Variants in DERL1 observed in about 807,000 individuals in gnomAD.
DERL1 encodes the protein derlin-1.
DERL1 carries 24 observed loss-of-function variants against 41.6 expected under a neutral mutation model. The observed-to-expected ratio is 0.58, with a 90% CI of 0.42 to 0.81. DERL1 has a LOEUF of 0.81. Among genes scored for constraint, DERL1 ranks in the 30% least tolerant of loss-of-function variants. The pLI, the probability that DERL1 is intolerant of heterozygous loss-of-function variation, is 0.00. For missense variants in DERL1, 260 were observed against 314.3 expected, an observed-to-expected ratio of 0.83 and a Z score of 1.31; for synonymous variants, 124 against 112.5, an observed-to-expected ratio of 1.10 and a Z score of -0.65.
intron 4 of DERL1, among the ~76,000 whole-genome samples, chr8:123,023,254 T>G (rs1006171884): frequency 6.6e-6 from 1 of 152,104 alleles, no homozygotes; most frequent in Non-Finnish European, 1.5e-5. Flanking sequence ...TGACTTAAGA[T>G]CCTCAAAATA....
chr8:123,042,152 A>G lies in DERL1; in HGVS notation c.-30T>C. 2 of 1,571,190 alleles carry G rather than the reference A, an allele frequency of 1.3e-6. No individual in the cohort carries two copies. The highest frequency in any genetic ancestry group is 1.7e-6 in the Non-Finnish European group (2 of 1,153,636). On this transcript the variant is annotated 5_prime_UTR_variant, in exon 1 of 8. Coordinates refer to ENST00000259512, the MANE Select transcript of DERL1 (RefSeq NM_024295.6). ...GACCCACAGGTAGCCAAGATGCACA[A>G]GACCGCCCGACTCCCCGTGCCGACC...
intron 2 of DERL1, 100 bp from the exon 3 acceptor site, chr8:123,025,150 T>G: frequency 7.9e-7 from 1 of 1,262,016 alleles, no homozygotes; most frequent in Non-Finnish European, 1.1e-6. Flanking sequence ...AAAGCCAAAA[T>G]GAGAACATTT....
In DERL1 at chr8:123,030,845, C is replaced by T. The variant is rs148838378; in HGVS notation, c.154-129G>A. 122 of 654,706 alleles carry T rather than the reference C, an allele frequency of 1.9e-4. 1 individual carries two copies. In the East Asian group the frequency reaches 3.5e-3, roughly 19 times the overall value. 40.6% of individuals were successfully genotyped at this position (654,706 alleles called of 1,614,324 possible). A position where few individuals can be genotyped will look rare whatever the true frequency, so the allele number is the denominator to read the frequency against. On this transcript the variant is annotated intron_variant, in intron 1 of 7. Coordinates refer to ENST00000259512, the MANE Select transcript of DERL1 (RefSeq NM_024295.6). Reference sequence around the variant, plus strand: ...TGTGAAAGTGATCCTACCAACACAACTCAAGAAAACAACTGAAGAAAAGTG... The same window carrying T: ...TGTGAAAGTGATCCTACCAACACAATTCAAGAAAACAACTGAAGAAAAGTG...
At chr8:123,037,286 A>C (rs1370518349) in intron 1 of DERL1, among the ~76,000 whole-genome samples, 1 of 152,220 alleles carries the variant, frequency 6.6e-6, no homozygotes, top group Non-Finnish European at 1.5e-5. Context: ...ATATTTCCTC[A>C]ATTTGAAGGT....
chr8:123,019,016 G>A, intron 7 of DERL1, 179 bp downstream of exon 7: 1 of 635,654 alleles, frequency 1.6e-6, no homozygotes, highest in Non-Finnish European at 2.8e-6. Flanking sequence ...AGGCAACTGA[G>A]CCTAAGCTTT....
chr8:123,032,150 C>CG (rs1037256843), intron 1 of DERL1, among the ~76,000 whole-genome samples: 5 of 151,172 alleles, frequency 3.3e-5, no homozygotes, highest in African/African-American at 1.2e-4. Flanking sequence ...TTTTTTCCCC[C>CG]CCGAGATAGG....
intron 5 of DERL1, 93 bp downstream of exon 5, chr8:123,022,591 C>T (rs1165937303): frequency 6.7e-6 from 8 of 1,201,780 alleles, no homozygotes; most frequent in Non-Finnish European, 9.9e-6. Flanking sequence ...CTGCAGTGAC[C>T]CCTTCTGGAT....
intron 1 of DERL1, among the ~76,000 whole-genome samples, chr8:123,035,733 A>C (rs944975680): frequency 1.3e-5 from 2 of 152,222 alleles, no homozygotes; most frequent in African/African-American, 4.8e-5. Flanking sequence ...CCCTTAAAGA[A>C]GACATAAGAC....
intron 7 of DERL1, chr8:123,015,962 T>G (rs1814558485): frequency 6.2e-6 from 1 of 160,424 alleles, no homozygotes; most frequent in African/African-American, 2.4e-5. Context: ...TCAAACTGGA[T>G]CAAAGGATAC....
At chr8:123,033,343 C>T in intron 1 of DERL1, among the ~76,000 whole-genome samples, 1 of 152,080 alleles carries the variant, frequency 6.6e-6, no homozygotes, top group East Asian at 1.9e-4. Context: ...ATATAATTCC[C>T]AGCCAAGAAG....
chr8:123,031,371 C>G (rs1004339222), intron 1 of DERL1, among the ~76,000 whole-genome samples: 1 of 151,944 alleles, frequency 6.6e-6, no homozygotes, highest in Admixed American at 6.6e-5. Context: ...ATGGTGAAAC[C>G]CTGTCTCCAA....
chr8:123,041,626 A>G (rs1813073218), intron 1 of DERL1, among the ~76,000 whole-genome samples: 4 of 152,268 alleles, frequency 2.6e-5, no homozygotes, highest in African/African-American at 9.6e-5. Context: ...TCAGAGGGCA[A>G]TGCTCCAGGC....
At chr8:123,039,661 T>C (rs1188643369) in intron 1 of DERL1, among the ~76,000 whole-genome samples, 1 of 152,228 alleles carries the variant, frequency 6.6e-6, no homozygotes, top group Non-Finnish European at 1.5e-5. Context: ...GAACACCCTA[T>C]CAAATATTAC....
Position 123,013,442 on chromosome 8 carries a change from C to T in DERL1, c.*2005G>A, listed in dbSNP as rs7160. On this transcript the variant is annotated 3_prime_UTR_variant, in exon 8 of 8. Coordinates refer to ENST00000259512, the MANE Select transcript of DERL1 (RefSeq NM_024295.6). ...ATACAAAATAAGGATTTTTTTTTTC[C>T]ATTTGTAAAGAGAATCCACTGTCAT... 2 of 151,454 alleles carry T rather than the reference C, an allele frequency of 1.3e-5. No homozygotes were observed. Among genetic ancestry groups the T allele is most frequent in the Non-Finnish European group, 2.9e-5 (2 of 67,878 alleles). The allele number at this position is 151,454 out of a possible 1,614,324, so 9.4% of individuals were successfully genotyped here.
intron 3 of DERL1, 84 bp from the exon 4 acceptor site, chr8:123,023,823 A>G (rs1366733743): frequency 3.0e-5 from 44 of 1,487,500 alleles, no homozygotes; most frequent in Non-Finnish European, 3.9e-5. Flanking sequence ...CTCCCATTTA[A>G]AAGTTCACTT....
intron 1 of DERL1, among the ~76,000 whole-genome samples, chr8:123,041,715 C>T (rs970278794): frequency 1.3e-5 from 2 of 152,190 alleles, no homozygotes; most frequent in African/African-American, 4.8e-5. Context: ...GTGCGAAGAG[C>T]GGGAAGCACA....
intron 6 of DERL1, 84 bp from the exon 7 acceptor site, chr8:123,019,389 C>A (rs1223543695): frequency 5.2e-6 from 5 of 963,448 alleles, no homozygotes; most frequent in Non-Finnish European, 8.0e-6. Flanking sequence ...GGAAGAGAGC[C>A]TTCAAGGCAG....
At chr8:123,034,718 C>T (rs763515745) in intron 1 of DERL1, among the ~76,000 whole-genome samples, 9 of 152,170 alleles carry the variant, frequency 5.9e-5, no homozygotes, top group Non-Finnish European at 1.2e-4. Context: ...CTACTACAGA[C>T]ACTTGTGTAA....
At chr8:123,029,321 G>A (rs1236701794) in intron 2 of DERL1, among the ~76,000 whole-genome samples, 1 of 152,098 alleles carries the variant, frequency 6.6e-6, no homozygotes, top group African/African-American at 2.4e-5. Context: ...AAATAAACTA[G>A]GTTCCTCCCA....
Sources: allele counts gnomAD v4.1 joint callset (sites outside exome capture counted in the v4.1 genomes callset), GRCh38; gene constraint gnomAD v4.1.1; transcripts MANE v1.5; gene names NCBI Gene and HGNC (gene_info 2026-07-23, HGNC 2026-07-21).